MTMR6: variants seen among roughly 807,000 people sequenced by gnomAD.
MTMR6 encodes phosphatidylinositol-3,5-bisphosphate 3-phosphatase MTMR6.
In MTMR6, 47 loss-of-function variants were observed where a neutral mutation model predicts 80.1. That is an observed-to-expected ratio of 0.59 (90% CI 0.46 to 0.75). MTMR6 has a LOEUF of 0.75. MTMR6 is among the 30% of genes least tolerant of loss of function. MTMR6 has a pLI of 0.00. For missense variants in MTMR6, 629 were observed against 730.9 expected (o/e 0.86, Z 1.61); for synonymous variants, 254 against 253.0 (o/e 1.00, Z -0.04).
chr13:25,249,874 G>C (rs1593139690), intron 13 of MTMR6, among the ~76,000 whole-genome samples: 2 of 152,232 alleles, frequency 1.3e-5, no homozygotes, highest in East Asian at 3.9e-4. Context: ...GTAGCTAAAG[G>C]GCTCACTGAC....
At chr13:25,257,883 C>CTA (rs1339187520) in intron 7 of MTMR6, 38 bp from the exon 8 acceptor site, 2 of 1,421,936 alleles carry the variant, frequency 1.4e-6, no homozygotes, top group East Asian at 4.6e-5. Flanking sequence ...TAGAATATGG[C>CTA]TAGAGTTTCT....
chr13:25,261,057 A>T (rs753171942), intron 6 of MTMR6, among the ~76,000 whole-genome samples: 19 of 152,042 alleles, frequency 1.2e-4, no homozygotes, highest in Non-Finnish European at 8.8e-5. Context: ...TAATCTCAAC[A>T]CTTTGGGAGG....
At chr13:25,250,395 C>T (rs1162822115) in intron 13 of MTMR6, among the ~76,000 whole-genome samples, 2 of 152,064 alleles carry the variant, frequency 1.3e-5, no homozygotes, top group African/African-American at 4.8e-5. Flanking sequence ...AGACAATAGG[C>T]TGGACAAAAC....
chr13:25,261,591 C>A, intron 6 of MTMR6, 77 bp downstream of exon 6: 1 of 1,230,022 alleles, frequency 8.1e-7, no homozygotes, highest in South Asian at 2.2e-5. Context: ...TAAATATGGG[C>A]AAGTTTATTA....
At position 25,266,380 on chromosome 13, in the gene MTMR6, C is replaced by A. The variant is rs1296449343; in HGVS notation, c.305-94G>T. ...TTTTCAGTTTTCTTCCTTCATTTTTCTCTTTACAATCTTCAAAGAGATGGC... is the reference window on the plus strand; with the variant it reads ...TTTTCAGTTTTCTTCCTTCATTTTTATCTTTACAATCTTCAAAGAGATGGC... On this transcript the variant is annotated intron_variant, in intron 3 of 13. Transcript: ENST00000381801. 4 of 1,101,600 alleles carry A rather than the reference C, an allele frequency of 3.6e-6. No homozygotes were observed. In the African/African-American group the frequency reaches 4.8e-5, roughly 13 times the overall value. The allele number at this position is 1,101,600 out of a possible 1,614,324, so 68.2% of individuals were successfully genotyped here.
In MTMR6 at chr13:25,267,827, T is replaced by C. The variant is rs374866327; in HGVS notation, c.256A>G (p.Arg86Gly). The C allele has an allele frequency of 6.2e-7, 1 of 1,613,952 alleles. No individual in the cohort carries two copies. The highest frequency in any genetic ancestry group is 8.5e-7 in the Non-Finnish European group (1 of 1,179,920). The change falls in exon 3 of 14, where the codon AGA (arginine) becomes GGA (glycine). Residue 86 changes from arginine (R) to glycine (G), a missense_variant. Physicochemically the swap from Arg to Gly is moderately radical, Grantham distance 125 (BLOSUM62 -2). Coordinates refer to ENST00000381801, the MANE Select transcript of MTMR6 (RefSeq NM_004685.5). ...RTVHFIVPRE[R>G]DCHDIYNSLL... is the part of the protein sequence containing the mutation. ...GAGTTGTAAATATCATGGCAATCTCTTTCTCTGGGAACAATGAAATGCACA... is the reference window on the plus strand; with the variant it reads ...GAGTTGTAAATATCATGGCAATCTCCTTCTCTGGGAACAATGAAATGCACA...
At chr13:25,275,832 G>A (rs1957709726) in intron 1 of MTMR6, among the ~76,000 whole-genome samples, 1 of 140,452 alleles carries the variant, frequency 7.1e-6, no homozygotes, top group Non-Finnish European at 1.5e-5. Context: ...CTGCACTCCC[G>A]CCTGGGCAAC....
chr13:25,268,377 A>C (rs1416164325), intron 2 of MTMR6, among the ~76,000 whole-genome samples: 1 of 152,190 alleles, frequency 6.6e-6, no homozygotes, highest in Non-Finnish European at 1.5e-5. Flanking sequence ...AAAGGAAGGG[A>C]ATCTAGTCAT....
chr13:25,247,411 A>C lies in MTMR6; in HGVS notation c.*1821T>G, dbSNP rs535814120. 2.6e-5 allele frequency: 4 copies of C among 152,790 alleles called. No homozygotes were observed. The highest frequency in any genetic ancestry group is 9.6e-5 in the African/African-American group (4 of 41,598). 9.5% of individuals were successfully genotyped at this position (152,790 alleles called of 1,614,324 possible). On this transcript the variant is annotated 3_prime_UTR_variant, in exon 14 of 14. Transcript: ENST00000381801. The stretch of plus-strand genomic sequence containing the variant: ...TTTGCCAACATATACCCTGTAGGTC[A>C]CTTAAGATGTAACTGATTTCTCAGT...
chr13:25,275,427 GACAAACAA>G (rs988933227), intron 1 of MTMR6, among the ~76,000 whole-genome samples: 1 of 151,408 alleles, frequency 6.6e-6, no homozygotes, highest in Non-Finnish European at 1.5e-5. Context: ...ATCTCAAAAA[GACAAACAA>G]ACAAACAAAC....
chr13:25,273,864 G>T (rs1276978292), intron 2 of MTMR6, among the ~76,000 whole-genome samples: 1 of 152,150 alleles, frequency 6.6e-6, no homozygotes, highest in Non-Finnish European at 1.5e-5. Context: ...ATGGAGATAA[G>T]AGTGTGGTAT....
At chr13:25,263,788 A>G (rs1203077201) in intron 5 of MTMR6, among the ~76,000 whole-genome samples, 5 of 152,198 alleles carry the variant, frequency 3.3e-5, no homozygotes, top group African/African-American at 1.2e-4. Context: ...TGGGAGTCTG[A>G]GGCAGGAGAA....
rs145261212 is a variant in MTMR6 at position 25,283,426 on chromosome 13, C to T, written c.24+3798G>A. ...TCAGGTGCTCCTCAAAACCTATTGG[C>T]TTTTATTTCAAAGACAATTTAAATA... On this transcript the variant is annotated intron_variant, in intron 1 of 13. Coordinates refer to ENST00000381801, the MANE Select transcript of MTMR6 (RefSeq NM_004685.5). Among the ~76,000 whole-genome samples the T allele has an allele frequency of 2.5e-3, 376 of 152,300 alleles. 2 individuals are homozygous for T. The highest frequency in any genetic ancestry group is 8.1e-3 in the African/African-American group (338 of 41,576).
chr13:25,262,776 C>T, intron 5 of MTMR6, among the ~76,000 whole-genome samples: 1 of 152,232 alleles, frequency 6.6e-6, no homozygotes, highest in East Asian at 1.9e-4. Flanking sequence ...ATATTTTAAA[C>T]TCACAAAATA....
Position 25,248,505 on chromosome 13 carries a change from AC to A in MTMR6, c.*726del, listed in dbSNP as rs367571507. On this transcript the variant is annotated 3_prime_UTR_variant, in exon 14 of 14. Transcript: ENST00000381801. ...AATAAATTATCAAATGTAGCACTAA[AC>A]AAATTATGATCAGAATAAACCTTCA... is the stretch of plus-strand genomic sequence containing the variant. 21 of 152,296 alleles carry A rather than the reference AC, an allele frequency of 1.4e-4. No homozygotes were observed. The highest frequency in any genetic ancestry group is 4.6e-4 in the African/African-American group (19 of 41,578). The allele number at this position is 152,296 out of a possible 1,614,324, so 9.4% of individuals were successfully genotyped here.
chr13:25,287,103 G>A, intron 1 of MTMR6, 121 bp downstream of exon 1: 2 of 1,417,826 alleles, frequency 1.4e-6, no homozygotes, highest in African/African-American at 1.4e-5. Flanking sequence ...CTCCCGCCCC[G>A]GGCCGGGTCT....
chr13:25,261,887 T>C, intron 5 of MTMR6, 85 bp from the exon 6 acceptor site: 2 of 1,310,986 alleles, frequency 1.5e-6, no homozygotes, highest in Non-Finnish European at 2.1e-6. Context: ...AAGCCAAAAG[T>C]GTTAAAATCA....
At chr13:25,278,420 C>A (rs1593157252) in intron 1 of MTMR6, among the ~76,000 whole-genome samples, 1 of 152,096 alleles carries the variant, frequency 6.6e-6, no homozygotes, top group South Asian at 2.1e-4. Context: ...TGGCGAAACC[C>A]TGCTTTACTA....
In MTMR6 at chr13:25,267,864, C is replaced by A; in HGVS notation, c.219G>T (p.Lys73Asn). 1 of 1,613,628 alleles carries A rather than the reference C, an allele frequency of 6.2e-7. No homozygotes were observed. Among genetic ancestry groups the A allele is most frequent in the Non-Finnish European group, 8.5e-7 (1 of 1,179,694 alleles). ...TSGCPLVIQC[K>N]NFRTVHFIVP... ...CAATGAAATGCACAGTTCTGAAGTT[C>A]TTGCACTGTATCACAAGGGGGCATC... The change falls in exon 3 of 14, where the codon AAG (lysine) becomes AAT (asparagine). Residue 73 changes from lysine to asparagine, a missense_variant. Transcript: ENST00000381801.
Sources: gnomAD v4.1 joint callset for allele counts (sites outside exome capture counted in the v4.1 genomes callset) on GRCh38, gnomAD v4.1.1 for gene constraint, MANE v1.5 for transcripts, NCBI Gene and HGNC (gene_info 2026-07-23, HGNC 2026-07-21) for gene names.